LRMDA: variants seen among roughly 807,000 people sequenced by gnomAD.
The protein encoded by LRMDA is leucine-rich melanocyte differentiation-associated protein.
In LRMDA, 18 loss-of-function variants were observed where a neutral mutation model predicts 29.8. The observed-to-expected ratio is 0.60, with a 90% CI of 0.42 to 0.90. The LOEUF (loss-of-function observed/expected upper bound fraction) is 0.90, where lower values mean the gene tolerates loss of function less well. Ranked by LOEUF, LRMDA falls within the 40% of genes least tolerant of loss-of-function variation. LRMDA has a pLI of 0.00. For synonymous variants in LRMDA, 125 were observed against 109.4 expected, an observed-to-expected ratio of 1.14 and a Z score of -0.89; for missense variants, 273 against 273.9, an observed-to-expected ratio of 1.00 and a Z score of 0.02.
intron 2 of LRMDA, among the ~76,000 whole-genome samples, chr10:75,674,780 G>T (rs559861796): frequency 1.3e-5 from 2 of 152,202 alleles, no homozygotes; most frequent in African/African-American, 4.8e-5. Context: ...GGGTGCTGGG[G>T]CTCAGTGGTT....
At chr10:76,382,630 C>A (rs112568110) in intron 6 of LRMDA, among the ~76,000 whole-genome samples, 7 of 152,266 alleles carry the variant, frequency 4.6e-5, no homozygotes, top group African/African-American at 1.7e-4. Flanking sequence ...CTCCTTTTGG[C>A]CATTAATCTG....
chr10:75,820,843 A>G (rs1844145056), intron 2 of LRMDA, among the ~76,000 whole-genome samples: 1 of 152,208 alleles, frequency 6.6e-6, no homozygotes, highest in South Asian at 2.1e-4. Flanking sequence ...TACAAATGGT[A>G]TAACCAAAAT....
chr10:75,456,153 C>CG (rs1564775668), intron 2 of LRMDA, among the ~76,000 whole-genome samples: 1 of 152,196 alleles, frequency 6.6e-6, no homozygotes, highest in Non-Finnish European at 1.5e-5. Flanking sequence ...ACAGGAGTTG[C>CG]GGGGGAGACA....
intron 5 of LRMDA, among the ~76,000 whole-genome samples, chr10:76,124,937 G>C (rs1294173834): frequency 6.6e-6 from 1 of 152,112 alleles, no homozygotes; most frequent in Admixed American, 6.5e-5. Flanking sequence ...CAGGGTTTGG[G>C]GGCCATACTG....
At chr10:76,441,560 G>A (rs181417575) in intron 6 of LRMDA, among the ~76,000 whole-genome samples, 6 of 152,194 alleles carry the variant, frequency 3.9e-5, no homozygotes, top group South Asian at 2.1e-4. Flanking sequence ...CATAAAGTAC[G>A]GTCATTCATG....
chr10:75,754,937 A>G lies in LRMDA; in HGVS notation c.132-281071A>G, dbSNP rs536479933. Among the ~76,000 whole-genome samples, 30 of 152,202 alleles carry G rather than the reference A, an allele frequency of 2.0e-4. No homozygotes were observed. The South Asian group carries it at 4.2e-3, about 21-fold the overall frequency. ...ATTCTATGGATTTCCTATGGAAAAC[A>G]GTCTTGTGTATCTATAGGTATGAAT... On this transcript the variant is annotated intron_variant, in intron 2 of 6. Coordinates refer to ENST00000611255, the MANE Select transcript of LRMDA (RefSeq NM_001305581.2).
At chr10:76,513,927 T>A (rs1214633412) in intron 6 of LRMDA, among the ~76,000 whole-genome samples, 1 of 152,212 alleles carries the variant, frequency 6.6e-6, no homozygotes, top group East Asian at 1.9e-4. Flanking sequence ...TTACATAGCT[T>A]ATCAGTATCA....
intron 4 of LRMDA, among the ~76,000 whole-genome samples, chr10:76,058,407 G>A (rs1848649953): frequency 6.6e-6 from 1 of 152,226 alleles, no homozygotes; most frequent in African/African-American, 2.4e-5. Flanking sequence ...CCACGTGTGT[G>A]TGTGTGTGTT....
chr10:75,810,775 G>C (rs1230686803), intron 2 of LRMDA, among the ~76,000 whole-genome samples: 2 of 152,230 alleles, frequency 1.3e-5, no homozygotes. Context: ...GGTAAGGAAA[G>C]AGGTGGACTA....
At chr10:75,750,597 C>G (rs544804461) in intron 2 of LRMDA, among the ~76,000 whole-genome samples, 1 of 145,696 alleles carries the variant, frequency 6.9e-6, no homozygotes, top group African/African-American at 2.6e-5. Context: ...ACTTCCCAGA[C>G]GGGATGGCGG....
At chr10:75,622,314 A>AT (rs201428940) in intron 2 of LRMDA, among the ~76,000 whole-genome samples, 1 of 72,844 alleles carries the variant, frequency 1.4e-5, no homozygotes, top group Non-Finnish European at 3.4e-5. Context: ...ACAGTGAAAA[A>AT]ATATGATACC....
At chr10:76,259,675 A>G (rs566285113) in intron 5 of LRMDA, among the ~76,000 whole-genome samples, 100 of 152,174 alleles carry the variant, frequency 6.6e-4, no homozygotes, top group Non-Finnish European at 1.1e-3. Flanking sequence ...GAAGTCCCCA[A>G]CTACTATTGT....
At chr10:76,409,912 T>C (rs1050415155) in intron 6 of LRMDA, among the ~76,000 whole-genome samples, 11 of 152,212 alleles carry the variant, frequency 7.2e-5, no homozygotes, top group African/African-American at 2.7e-4. Flanking sequence ...GTAACAGCTT[T>C]ATAGTGAACA....
chr10:76,187,427 C>G (rs1028057495), intron 5 of LRMDA, among the ~76,000 whole-genome samples: 1 of 152,120 alleles, frequency 6.6e-6, no homozygotes, highest in Non-Finnish European at 1.5e-5. Context: ...TCTTCTAGTT[C>G]ATTACTGCAA....
chr10:75,768,895 C>G (rs1231477565), intron 2 of LRMDA, among the ~76,000 whole-genome samples: 1 of 152,164 alleles, frequency 6.6e-6, no homozygotes, highest in Non-Finnish European at 1.5e-5. Flanking sequence ...TATAACTGGT[C>G]ACCTAGACAT....
At position 75,461,733 on chromosome 10, in the gene LRMDA, C is replaced by T. The variant is rs976149753; in HGVS notation, c.131+23239C>T. Among the ~76,000 whole-genome samples, 13 of 152,300 alleles carry T rather than the reference C, an allele frequency of 8.5e-5. No individual in the cohort carries two copies. In the South Asian group the frequency reaches 2.7e-3, roughly 32 times the overall value. ...TTACACTGGTCCAAACACAGGAAAA[C>T]TTGCAGATCTGCAGAACACCTCGTG... On this transcript the variant is annotated intron_variant, in intron 2 of 6. Transcript: ENST00000611255.
At chr10:76,497,503 G>A (rs1842885291) in intron 6 of LRMDA, among the ~76,000 whole-genome samples, 1 of 74,890 alleles carries the variant, frequency 1.3e-5, no homozygotes, top group African/African-American at 3.3e-5. Context: ...CTGCCACCAT[G>A]CCCACCACTT....
intron 6 of LRMDA, among the ~76,000 whole-genome samples, chr10:76,371,617 T>G (rs1841456142): frequency 6.6e-6 from 1 of 152,108 alleles, no homozygotes; most frequent in Non-Finnish European, 1.5e-5. Context: ...AACTCTGAAA[T>G]TCATCCATGG....
At chr10:76,259,961 A>G (rs1468648907) in intron 5 of LRMDA, among the ~76,000 whole-genome samples, 1 of 151,458 alleles carries the variant, frequency 6.6e-6, no homozygotes, top group East Asian at 1.9e-4. Flanking sequence ...TCAAGTCTAC[A>G]TATGTCTTTA....
Sources: gnomAD v4.1 joint callset for allele counts (sites outside exome capture counted in the v4.1 genomes callset) on GRCh38, gnomAD v4.1.1 for gene constraint, MANE v1.5 for transcripts, NCBI Gene and HGNC (gene_info 2026-07-23, HGNC 2026-07-21) for gene names.